Variants in ZBTB25 observed in about 807,000 individuals in gnomAD.
ZBTB25 encodes zinc finger and BTB domain-containing protein 25.
A neutral mutation model predicts 34.2 loss-of-function variants in ZBTB25; 20 were observed. The ratio of observed to expected loss-of-function variants is 0.58; its 90% CI spans 0.41 to 0.85. The LOEUF (loss-of-function observed/expected upper bound fraction) is 0.85, where lower values mean the gene tolerates loss of function less well. ZBTB25 is among the 40% of genes least tolerant of loss of function. The pLI, the probability that ZBTB25 is intolerant of heterozygous loss-of-function variation, is 0.00. For synonymous variants in ZBTB25, 175 were observed against 186.4 expected, an observed-to-expected ratio of 0.94 and a Z score of 0.50; for missense variants, 437 against 521.8, an observed-to-expected ratio of 0.84 and a Z score of 1.58.
chr14:64,487,485 G>A lies in ZBTB25; in HGVS notation c.746C>T (p.Ser249Phe). Reference protein sequence around the residue: ...LCHYCGERFDSRSNLRQHLHT... With the variant: ...LCHYCGERFDFRSNLRQHLHT... ...GAGATGTTGCCTTAGGTTACTACGG[G>A]AATCAAAACGTTCCCCACAGTAATG... The change falls in exon 3 of 3, where the codon TCC (serine) becomes TTC (phenylalanine). Residue 249 changes from serine (S) to phenylalanine (F), a missense_variant. Coordinates refer to ENST00000608382, the MANE Select transcript of ZBTB25 (RefSeq NM_006977.5). The A allele has an allele frequency of 6.2e-7, 1 of 1,614,176 alleles. No individual in the cohort carries two copies. The highest frequency in any genetic ancestry group is 8.5e-7 in the Non-Finnish European group (1 of 1,180,016).
chr14:64,463,227 A>AAC (rs60057039), intron 2 of ZBTB25: 13,012 of 144,104 alleles, frequency 0.09, 673 homozygotes, highest in African/African-American at 0.13. Context: ...GGATACATTA[A>AAC]ACACACACAC....
chr14:64,456,132 G>A (rs2078469204), intron 2 of ZBTB25, among the ~76,000 whole-genome samples: 1 of 152,256 alleles, frequency 6.6e-6, no homozygotes, highest in South Asian at 2.1e-4. Context: ...AAGGGTAACA[G>A]TAGAGGTGAA....
In ZBTB25 at chr14:64,485,270, C is replaced by G. The variant is rs970026895; in HGVS notation, c.*1653G>C. 15 of 985,356 alleles carry G rather than the reference C, an allele frequency of 1.5e-5. No homozygotes were observed. Among genetic ancestry groups the G allele is most frequent in the Non-Finnish European group, 1.8e-5 (15 of 829,920 alleles). The allele number at this position is 985,356 out of a possible 1,614,324, so 61.0% of individuals were successfully genotyped here. ...AACGTCCTCAGAAGTGGAGGGAGCT[C>G]AAGAGTTTTGTAAGTGGTTAAATTC... On this transcript the variant is annotated 3_prime_UTR_variant, in exon 3 of 3. Transcript: ENST00000608382.
Position 64,490,529 on chromosome 14 carries a change from T to C in ZBTB25, c.5A>G (p.Asp2Gly). MDTASHSLVLLQ... is the reference protein window; with the variant it reads MGTASHSLVLLQ... ...AAGAACAAGGCTATGGCTGGCAGTG[T>C]CCATTGTGGTTCTGAAAAAAAGGAC... The change falls in exon 2 of 3, where the codon GAC becomes GGC. Residue 2 changes from aspartate to glycine, a missense_variant. By Grantham distance (94) the Asp-to-Gly change is moderately conservative (BLOSUM62 -1). Transcript: ENST00000608382. 1 of 1,609,572 alleles carries C rather than the reference T, an allele frequency of 6.2e-7. No homozygotes were observed. The highest frequency in any genetic ancestry group is 1.1e-5 in the South Asian group (1 of 90,610).
In ZBTB25 at chr14:64,485,248, G is replaced by A. The variant is rs1014307536; in HGVS notation, c.*1675C>T. 1.1e-4 allele frequency: 107 copies of A among 985,326 alleles called. No individual in the cohort carries two copies. Among genetic ancestry groups the A allele is most frequent in the South Asian group, 1.4e-4 (3 of 21,292 alleles). 61.0% of individuals were successfully genotyped at this position (985,326 alleles called of 1,614,324 possible). ...GATGCTGTTGAATGTGTCAGGAAAC[G>A]TCCTCAGAAGTGGAGGGAGCTCAAG... On this transcript the variant is annotated 3_prime_UTR_variant, in exon 3 of 3. Transcript: ENST00000608382.
Position 64,489,184 on chromosome 14 carries a change from G to T in ZBTB25, c.174-1127C>A, listed in dbSNP as rs2078985082. On this transcript the variant is annotated intron_variant, in intron 2 of 2. Transcript: ENST00000608382. ...AATTGCTTGAACCTGGGAGGCGGAG[G>T]TTGCAGTGAGCTGAGATCATGCCAC... Among the ~76,000 whole-genome samples the T allele has an allele frequency of 2.0e-5, 3 of 152,022 alleles. No individual in the cohort carries two copies. The South Asian group carries it at 6.2e-4, about 31-fold the overall frequency.
chr14:64,503,669 C>G lies in ZBTB25; in HGVS notation c.-16G>C. 1.0e-6 allele frequency: 1 copy of G among 955,440 alleles called. No homozygotes were observed. The highest frequency in any genetic ancestry group is 1.2e-6 in the Non-Finnish European group (1 of 802,710). The allele number at this position is 955,440 out of a possible 1,614,324, so 59.2% of individuals were successfully genotyped here. ...AGGACCGCGTCGCTTACCCAGATGC[C>G]GCCGCGGCGGCAGGCCGACTCCTCC... On this transcript the variant is annotated 5_prime_UTR_variant, in exon 1 of 3. Coordinates refer to ENST00000608382, the MANE Select transcript of ZBTB25 (RefSeq NM_006977.5).
Position 64,479,339 on chromosome 14 carries a change from G to A in ZBTB25, c.*7584C>T, listed in dbSNP as rs1487108610. 1.3e-5 allele frequency: 2 copies of A among 152,234 alleles called. No individual in the cohort carries two copies. Among genetic ancestry groups the A allele is most frequent in the Non-Finnish European group, 2.9e-5 (2 of 68,090 alleles). The allele number at this position is 152,234 out of a possible 1,614,324, so 9.4% of individuals were successfully genotyped here. A position where few individuals can be genotyped will look rare whatever the true frequency, so the allele number is the denominator to read the frequency against. ...CATCCCTGGCCTCCACCTACTAGAT[G>A]CCAGCAGCAGCCTCCCTCATCGCCC... On this transcript the variant is annotated 3_prime_UTR_variant, in exon 3 of 3. Transcript: ENST00000608382.
rs910052400 is a variant in ZBTB25 at position 64,451,672 on chromosome 14, G to A, written c.174-2034C>T. Among the ~76,000 whole-genome samples the A allele has an allele frequency of 6.6e-5, 10 of 152,306 alleles. No individual in the cohort carries two copies. The East Asian group carries it at 1.9e-3, about 29-fold the overall frequency. On this transcript the variant is annotated intron_variant, in intron 2 of 2. Transcript: ENST00000555220. ...ACCAGCAGGAGACCTGAAAGAGCAG[G>A]GACATATGGACTTTAGAACCCATTT...
At chr14:64,463,318 A>T (rs1480050937) in intron 2 of ZBTB25, 4 of 152,134 alleles carry the variant, frequency 2.6e-5, no homozygotes, top group Middle Eastern at 3.4e-3. Context: ...TATGTTATTT[A>T]TAGTACTATA....
At chr14:64,495,523 C>G (rs1461473476) in intron 1 of ZBTB25, among the ~76,000 whole-genome samples, 1 of 152,228 alleles carries the variant, frequency 6.6e-6, no homozygotes, top group Non-Finnish European at 1.5e-5. Context: ...CAGTTGTAGC[C>G]ACCTCTTCAT....
chr14:64,449,338 T>C, exon 3 of ZBTB25: 2 of 1,316,142 alleles, frequency 1.5e-6, no homozygotes, highest in Non-Finnish European at 2.2e-6. Flanking sequence ...TCTTGGTTAG[T>C]GTTCGTTTAT....
At chr14:64,460,099 C>A (rs1202691319) in intron 2 of ZBTB25, 1 of 614,608 alleles carries the variant, frequency 1.6e-6, no homozygotes, top group Non-Finnish European at 2.8e-6. Context: ...GACCCTTGGG[C>A]TGAAGATGCA....
chr14:64,493,100 A>AT (rs1164464148), intron 1 of ZBTB25, among the ~76,000 whole-genome samples: 2 of 152,232 alleles, frequency 1.3e-5, no homozygotes, highest in African/African-American at 4.8e-5. Context: ...AGAAAAAAAA[A>AT]GTAACAGAAA....
At chr14:64,497,491 ATAAAG>A (rs2079317457) in intron 1 of ZBTB25, among the ~76,000 whole-genome samples, 1 of 152,144 alleles carries the variant, frequency 6.6e-6, no homozygotes, top group South Asian at 2.1e-4. Flanking sequence ...TTATGGAAAA[ATAAAG>A]TATTTTATTA....
chr14:64,504,806 C>G (rs1264698688), upstream of ZBTB25: 2 of 387,230 alleles, frequency 5.2e-6, no homozygotes, highest in South Asian at 1.3e-4. Flanking sequence ...AGAGCCTCTC[C>G]GCGCAGCCCA....
At position 64,489,105 on chromosome 14, in the gene ZBTB25, G is replaced by A. The variant is rs144358652; in HGVS notation, c.174-1048C>T. ...CTACTAAAATTACAAAAAATTAGCCGGGTGTGGTGGCGCACACCTGTGGTC... is the reference window on the plus strand; with the variant it reads ...CTACTAAAATTACAAAAAATTAGCCAGGTGTGGTGGCGCACACCTGTGGTC... On this transcript the variant is annotated intron_variant, in intron 2 of 2. Transcript: ENST00000608382. 9.4e-3 allele frequency among the ~76,000 whole-genome samples: 1,422 copies of A among 151,868 alleles called. 16 individuals are homozygous for A. Among genetic ancestry groups the A allele is most frequent in the African/African-American group, 0.031 (1,289 of 41,408 alleles).
intron 2 of ZBTB25, chr14:64,468,895 C>A: frequency 1.9e-6 from 3 of 1,614,036 alleles, no homozygotes; most frequent in Non-Finnish European, 2.5e-6. Flanking sequence ...AAACACAGAC[C>A]CCATTGAATG....
intron 2 of ZBTB25, among the ~76,000 whole-genome samples, chr14:64,488,880 T>C (rs186066733): frequency 6.6e-6 from 1 of 152,194 alleles, no homozygotes; most frequent in African/African-American, 2.4e-5. Flanking sequence ...CATTGTATAA[T>C]TAAAAATGGT....
Sources: allele counts gnomAD v4.1 joint callset (sites outside exome capture counted in the v4.1 genomes callset), GRCh38; gene constraint gnomAD v4.1.1; transcripts MANE v1.5; gene names NCBI Gene and HGNC (gene_info 2026-07-23, HGNC 2026-07-21).